Variants in GEMIN8 observed in about 807,000 individuals in gnomAD.
GEMIN8 encodes the protein gem-associated protein 8.
For missense variants in GEMIN8, 185 were observed against 205.9 expected, an observed-to-expected ratio of 0.90 and a Z score of 0.62; for synonymous variants, 80 against 78.5, an observed-to-expected ratio of 1.02 and a Z score of -0.10.
intron 4 of GEMIN8, among the ~76,000 whole-genome samples, chrX:14,012,859 G>C (rs181344195): frequency 1.3e-4 from 14 of 109,450 alleles, no homozygotes; most frequent in African/African-American, 4.3e-4. Flanking sequence ...AGGGGCTATG[G>C]GGGGGGGCAC....
At chrX:13,993,636 C>A in the GEMIN8 span, among the ~76,000 whole-genome samples, 1 of 109,032 alleles carries the variant, frequency 9.2e-6, no homozygotes, top group South Asian at 4.0e-4. Context: ...GTTGCCCAGG[C>A]TGGTCTGGAA....
intron 3 of GEMIN8, 115 bp from the exon 4 acceptor site, chrX:14,020,649 C>T (rs1208524149): frequency 9.9e-6 from 5 of 505,650 alleles, no homozygotes; most frequent in East Asian, 3.6e-5. Context: ...TTGCTAAATA[C>T]CTACCTACAT....
downstream of GEMIN8, among the ~76,000 whole-genome samples, chrX:14,006,160 C>G (rs1923153286): frequency 9.1e-6 from 1 of 109,824 alleles, no homozygotes; most frequent in Non-Finnish European, 1.9e-5. Context: ...TCCCGAGTAG[C>G]TGGGACTATA....
At chrX:14,028,184 T>C (rs1451692299) in intron 1 of GEMIN8, among the ~76,000 whole-genome samples, 1 of 112,235 alleles carries the variant, frequency 8.9e-6, no homozygotes, top group Non-Finnish European at 1.9e-5. Flanking sequence ...CCTGTAGGCA[T>C]GGATTCTACA....
Position 14,014,376 on chromosome X carries a change from C to G in GEMIN8, c.473-5207G>C, listed in dbSNP as rs1315369134. The G allele has an allele frequency of 4.0e-6, 3 of 752,570 alleles. No homozygotes were observed. The South Asian group carries it at 2.0e-4, about 51-fold the overall frequency. The allele number at this position is 752,570 out of a possible 1,213,427, so 62.0% of individuals were successfully genotyped here. The stretch of plus-strand genomic sequence containing the variant: ...CCATTTCAGACTGGTCTTCTCTCTT[C>G]GTCGCACATCCCTTGCCCCATGACA... On this transcript the variant is annotated intron_variant, in intron 4 of 4. Transcript: ENST00000680255.
chrX:14,004,095 G>C (rs1004578128), downstream of GEMIN8, among the ~76,000 whole-genome samples: 2 of 112,201 alleles, frequency 1.8e-5, no homozygotes, highest in Non-Finnish European at 3.8e-5. Flanking sequence ...GTATGTGTGT[G>C]AATCTTTTCC....
chrX:13,995,237 CTT>C, the GEMIN8 span, among the ~76,000 whole-genome samples: 1 of 112,219 alleles, frequency 8.9e-6, no homozygotes, highest in East Asian at 2.8e-4. Flanking sequence ...CTCAGAAAGA[CTT>C]GAAACCTGGG....
the GEMIN8 span, among the ~76,000 whole-genome samples, chrX:13,998,093 T>C: frequency 2.9e-4 from 31 of 105,576 alleles, no homozygotes; most frequent in Non-Finnish European, 5.5e-4. Context: ...TTTTTTTTTT[T>C]GAGATAGAGT....
At chrX:14,005,361 T>C (rs868827908), downstream of GEMIN8, among the ~76,000 whole-genome samples, 1 of 111,633 alleles carries the variant, frequency 9.0e-6, no homozygotes, top group South Asian at 3.8e-4. Flanking sequence ...TAATCAATCA[T>C]GACTATGTAA....
chrX:14,014,699 TAC>T (rs1048297158), intron 4 of GEMIN8, among the ~76,000 whole-genome samples: 1 of 111,814 alleles, frequency 8.9e-6, no homozygotes, highest in African/African-American at 3.3e-5. Context: ...CTATGAAAAC[TAC>T]AGTCTCAGCC....
the GEMIN8 span, among the ~76,000 whole-genome samples, chrX:13,995,867 A>G: frequency 9.0e-6 from 1 of 111,676 alleles, no homozygotes; most frequent in African/African-American, 3.3e-5. Flanking sequence ...AAAGGAATGT[A>G]TTCACAGGTT....
intron 1 of GEMIN8, among the ~76,000 whole-genome samples, chrX:14,029,179 C>A (rs1036688768): frequency 8.9e-6 from 1 of 112,372 alleles, no homozygotes; most frequent in Non-Finnish European, 1.9e-5. Context: ...GGCAGAGACA[C>A]AAGGCCCATA....
Position 14,020,381 on chromosome X carries a change from G to A in GEMIN8, c.169C>T (p.Pro57Ser). ...ESCFNLPWYL[P>S]SALLPQSSYD... ...GAGCTTTGGGGAAGAAGCGCAGAAG[G>A]TAAGTACCATGGAAGATTGAAACAG... Residue 57 changes from proline to serine, a missense_variant, in exon 4 of 5, where the codon CCT becomes TCT. Physicochemically the swap from Pro to Ser is moderately conservative, Grantham distance 74. Transcript: ENST00000680255. 1 of 1,211,005 alleles carries A rather than the reference G, an allele frequency of 8.3e-7. No individual in the cohort carries two copies. Among genetic ancestry groups the A allele is most frequent in the South Asian group, 1.8e-5 (1 of 56,984 alleles).
chrX:14,002,366 GATAGA>G (rs1464321593), downstream of GEMIN8, among the ~76,000 whole-genome samples: 25 of 106,323 alleles, frequency 2.4e-4, no homozygotes, highest in Non-Finnish European at 4.1e-4. Flanking sequence ...TAGATAGATA[GATAGA>G]TAAATAGAGT....
chrX:14,025,329 T>C (rs1924623241), intron 2 of GEMIN8, among the ~76,000 whole-genome samples: 1 of 108,612 alleles, frequency 9.2e-6, no homozygotes, highest in Non-Finnish European at 1.9e-5. Flanking sequence ...TTCACGTTCT[T>C]TGCTTTAAAA....
chrX:13,997,347 C>T, the GEMIN8 span, among the ~76,000 whole-genome samples: 1 of 111,183 alleles, frequency 9.0e-6, no homozygotes, highest in Non-Finnish European at 1.9e-5. Flanking sequence ...ATTACTTTAG[C>T]AGATAACCAT....
At chrX:14,001,215 T>C in the GEMIN8 span, among the ~76,000 whole-genome samples, 9 of 112,143 alleles carry the variant, frequency 8.0e-5, no homozygotes, top group Non-Finnish European at 3.8e-5. Flanking sequence ...GCCTCTCCCA[T>C]GCCCTGTCAC....
chrX:13,994,526 T>C, the GEMIN8 span, among the ~76,000 whole-genome samples: 1 of 112,849 alleles, frequency 8.9e-6, no homozygotes, highest in African/African-American at 3.2e-5. Flanking sequence ...TATCCATTTC[T>C]GATCTCTTTT....
In GEMIN8 at chrX:14,008,525, A is replaced by G. The variant is rs755611971; in HGVS notation, c.*388T>C. 1.8e-4 allele frequency: 27 copies of G among 149,750 alleles called. No homozygotes were observed. The highest frequency in any genetic ancestry group is 2.7e-4 in the Non-Finnish European group (21 of 78,948). The allele number at this position is 149,750 out of a possible 1,213,427, so 12.3% of individuals were successfully genotyped here. ...AGTGGGGGCTAATGGAGCTAGAGTC[A>G]GAGAGGATATCTGGTTTTTTAAAGG... On this transcript the variant is annotated 3_prime_UTR_variant, in exon 5 of 5. Transcript: ENST00000680255.
Sources: gnomAD v4.1 joint callset for allele counts (sites outside exome capture counted in the v4.1 genomes callset) on GRCh38, gnomAD v4.1.1 for gene constraint, MANE v1.5 for transcripts, NCBI Gene and HGNC (gene_info 2026-07-23, HGNC 2026-07-21) for gene names.